PCDH15: variants seen among roughly 807,000 people sequenced by gnomAD.
PCDH15 encodes the protein protocadherin related 15.
In PCDH15, 129 loss-of-function variants were observed where a neutral mutation model predicts 178.5. The ratio of observed to expected loss-of-function variants is 0.72; its 90% CI spans 0.63 to 0.84. The LOEUF (loss-of-function observed/expected upper bound fraction) is 0.84. PCDH15 is among the 40% of genes least tolerant of loss of function. The probability of loss-of-function intolerance (pLI) is 0.00; values close to 1 mark genes in which losing one functional copy is unlikely to be tolerated. For synonymous variants in PCDH15, 800 were observed against 732.0 expected (o/e 1.09, Z -1.50); for missense variants, 2,230 against 2,099.9 (o/e 1.06, Z -1.21).
chr10:55,157,180 T>G (rs10825477), intron 2 of PCDH15, among the ~76,000 whole-genome samples: 81,864 of 151,810 alleles, frequency 0.54, 23,811 homozygotes, highest in Non-Finnish European at 0.65. Context: ...AAGACATTTA[T>G]GCATCCAACA....
chr10:55,169,688 G>A lies in PCDH15; in HGVS notation c.-155-3037C>T, dbSNP rs564529123. Among the ~76,000 whole-genome samples, 15 of 152,212 alleles carry A rather than the reference G, an allele frequency of 9.9e-5. No individual in the cohort carries two copies. In the South Asian group the frequency reaches 1.0e-3, roughly 11 times the overall value. ...CAAATTGATACAAATATGAAACTAC[G>A]TCATATGTTGCTATGTAAGTACAAG... On this transcript the variant is annotated intron_variant, in intron 1 of 5. Coordinates refer to the PCDH15 transcript ENST00000458638.
At chr10:54,722,556 A>G (rs1941796092) in intron 1 of PCDH15, among the ~76,000 whole-genome samples, 1 of 149,510 alleles carries the variant, frequency 6.7e-6, no homozygotes, top group African/African-American at 2.5e-5. Context: ...GGCAAAATAA[A>G]GAAAAGGCAT....
At chr10:55,275,136 C>A (rs1275890943) in intron 1 of PCDH15, among the ~76,000 whole-genome samples, 1 of 151,912 alleles carries the variant, frequency 6.6e-6, no homozygotes, top group African/African-American at 2.4e-5. Flanking sequence ...CATAAAATGC[C>A]TGATAATATA....
intron 3 of PCDH15, among the ~76,000 whole-genome samples, chr10:54,489,481 C>T (rs1589678460): frequency 1.3e-5 from 2 of 152,074 alleles, no homozygotes; most frequent in East Asian, 3.9e-4. Flanking sequence ...CATAGCTCAA[C>T]ACTATGATGA....
intron 13 of PCDH15, among the ~76,000 whole-genome samples, chr10:54,177,148 C>T (rs559929505): frequency 1.9e-4 from 29 of 151,992 alleles, no homozygotes; most frequent in Middle Eastern, 3.4e-3. Flanking sequence ...ATTTTAAATA[C>T]GTATTACTAA....
At chr10:54,738,905 G>C (rs550575992) in intron 1 of PCDH15, among the ~76,000 whole-genome samples, 2 of 151,894 alleles carry the variant, frequency 1.3e-5, no homozygotes, top group African/African-American at 4.8e-5. Flanking sequence ...TATAAAAGAA[G>C]TATACCTCAA....
At chr10:55,090,024 T>C (rs1419265) in intron 2 of PCDH15, among the ~76,000 whole-genome samples, 13,699 of 152,048 alleles carry the variant, frequency 0.09, 1,926 homozygotes, top group African/African-American at 0.3. Context: ...AATAATAAAG[T>C]TGCATTTAAT....
At chr10:55,514,368 G>C (rs78947630) in intron 2 of PCDH15, among the ~76,000 whole-genome samples, 6,998 of 152,128 alleles carry the variant, frequency 0.046, 417 homozygotes, top group East Asian at 0.29. Flanking sequence ...TAGTATTGTA[G>C]AGGTCAAGAA....
At chr10:54,642,062 AC>A (rs2094002754) in intron 2 of PCDH15, among the ~76,000 whole-genome samples, 1 of 151,706 alleles carries the variant, frequency 6.6e-6, no homozygotes, top group Non-Finnish European at 1.5e-5. Context: ...TTAAAATATA[AC>A]CCCCCAACGT....
chr10:55,434,655 G>A (rs894749607), intron 2 of PCDH15, among the ~76,000 whole-genome samples: 12 of 151,572 alleles, frequency 7.9e-5, no homozygotes, highest in Non-Finnish European at 1.5e-5. Flanking sequence ...GCCCAGGCTG[G>A]AGTGCAGTGG....
At chr10:54,840,145 G>C (rs1324809163) in intron 3 of PCDH15, among the ~76,000 whole-genome samples, 1 of 151,950 alleles carries the variant, frequency 6.6e-6, no homozygotes, top group Admixed American at 6.6e-5. Context: ...AAATAGACAG[G>C]CAAATTCAGA....
chr10:55,613,063 G>T (rs1228071557), intron 2 of PCDH15, among the ~76,000 whole-genome samples: 1 of 116,956 alleles, frequency 8.6e-6, no homozygotes, highest in Non-Finnish European at 1.6e-5. Flanking sequence ...TCTCTCTGTC[G>T]CCCAGGCTGG....
intron 1 of PCDH15, among the ~76,000 whole-genome samples, chr10:55,209,423 T>C (rs1424899918): frequency 6.6e-6 from 1 of 152,058 alleles, no homozygotes; most frequent in Non-Finnish European, 1.5e-5. Context: ...CAAGGACAGA[T>C]ACAAGGAGAC....
At chr10:54,616,651 A>G (rs1184633877) in intron 2 of PCDH15, among the ~76,000 whole-genome samples, 1 of 152,090 alleles carries the variant, frequency 6.6e-6, no homozygotes, top group Non-Finnish European at 1.5e-5. Flanking sequence ...TGAGAATTAT[A>G]CCACTGGACT....
At position 53,903,467 on chromosome 10, in the gene PCDH15, T is replaced by C. The variant is rs536853458; in HGVS notation, c.3374-97A>G. The C allele has an allele frequency of 2.8e-5, 41 of 1,457,398 alleles. No individual in the cohort carries two copies. The African/African-American group carries it at 4.3e-4, about 15-fold the overall frequency. The allele number at this position is 1,457,398 out of a possible 1,614,324, so 90.3% of individuals were successfully genotyped here. A position where few individuals can be genotyped will look rare whatever the true frequency, so the allele number is the denominator to read the frequency against. On this transcript the variant is annotated intron_variant, in intron 25 of 37. Coordinates refer to ENST00000644397, the MANE Select transcript of PCDH15 (RefSeq NM_001384140.1). ...TTTGCTGCACTTTTTTTTGGAAACA[T>C]TGAAAATAAATCAAAAGCCATTTCT...
intron 3 of PCDH15, among the ~76,000 whole-genome samples, chr10:54,809,255 C>G (rs1210961643): frequency 6.6e-6 from 1 of 151,996 alleles, no homozygotes; most frequent in East Asian, 1.9e-4. Context: ...TAATATCTTC[C>G]TAGATTTTGG....
intron 27 of PCDH15, among the ~76,000 whole-genome samples, chr10:53,864,562 C>A (rs2079318301): frequency 6.6e-6 from 1 of 152,122 alleles, no homozygotes; most frequent in South Asian, 2.1e-4. Flanking sequence ...CAGGCCAAAT[C>A]CTTCATCCAG....
intron 1 of PCDH15, among the ~76,000 whole-genome samples, chr10:55,260,773 A>G (rs1174399258): frequency 6.6e-6 from 1 of 152,194 alleles, no homozygotes; most frequent in Non-Finnish European, 1.5e-5. Flanking sequence ...GGCTTTTAAA[A>G]TGTTATAAAA....
At chr10:54,036,919 A>T (rs1352901720) in intron 18 of PCDH15, among the ~76,000 whole-genome samples, 1 of 151,956 alleles carries the variant, frequency 6.6e-6, no homozygotes, top group Non-Finnish European at 1.5e-5. Context: ...CATTAATAGA[A>T]GCTTGGAAGA....
Sources: allele counts gnomAD v4.1 joint callset (sites outside exome capture counted in the v4.1 genomes callset), GRCh38; gene constraint gnomAD v4.1.1; transcripts MANE v1.5; gene names NCBI Gene and HGNC (gene_info 2026-07-23, HGNC 2026-07-21).